Variants in GABRG3 observed in about 807,000 individuals in gnomAD.
GABRG3 encodes gamma-aminobutyric acid receptor subunit gamma-3.
A neutral mutation model predicts 48.8 loss-of-function variants in GABRG3; 25 were observed. That is an observed-to-expected ratio of 0.51 (90% confidence interval 0.37 to 0.72). GABRG3 has a LOEUF of 0.72. Ranked by LOEUF, GABRG3 falls within the 30% of genes least tolerant of loss-of-function variation. The pLI is 0.00. For missense variants in GABRG3, 394 were observed against 577.9 expected (o/e 0.68, Z 3.26); for synonymous variants, 227 against 217.6 (o/e 1.04, Z -0.38).
Position 27,028,110 on chromosome 15 carries a change from C to T in GABRG3, c.270+1289C>T, listed in dbSNP as rs73367735. On this transcript the variant is annotated intron_variant, in intron 3 of 9. Transcript: ENST00000615808. ...TGTTAGGCTTTGTTATTGGAATAGACGGGAATTTTCATGTGGAAATCACGG... is the reference window on the plus strand; with the variant it reads ...TGTTAGGCTTTGTTATTGGAATAGATGGGAATTTTCATGTGGAAATCACGG... Among the ~76,000 whole-genome samples the T allele has an allele frequency of 1.3e-3, 198 of 152,250 alleles. 1 individual carries two copies. The highest frequency in any genetic ancestry group is 4.5e-3 in the African/African-American group (188 of 41,524).
At chr15:27,252,114 C>T (rs1171056941) in intron 3 of GABRG3, among the ~76,000 whole-genome samples, 1 of 152,130 alleles carries the variant, frequency 6.6e-6, no homozygotes, top group Non-Finnish European at 1.5e-5. Context: ...CCTGACTCAG[C>T]TTTTTGTGAA....
intron 3 of GABRG3, among the ~76,000 whole-genome samples, chr15:27,061,858 A>C (rs916617508): frequency 6.6e-6 from 1 of 152,094 alleles, no homozygotes; most frequent in Admixed American, 6.5e-5. Context: ...CCCCGTGTGG[A>C]AATCCTGCTG....
At chr15:27,218,290 C>G (rs1889332748) in intron 3 of GABRG3, among the ~76,000 whole-genome samples, 1 of 152,120 alleles carries the variant, frequency 6.6e-6, no homozygotes, top group Non-Finnish European at 1.5e-5. Flanking sequence ...ACAAAAGCAC[C>G]CAGCCCTGTT....
At chr15:27,500,958 T>TTG (rs1321747997) in intron 6 of GABRG3, among the ~76,000 whole-genome samples, 6 of 148,584 alleles carry the variant, frequency 4.0e-5, no homozygotes, top group East Asian at 1.9e-4. Context: ...GTATGTTTTT[T>TTG]TTTTTTTTTT....
At chr15:27,009,912 T>A (rs1384677258) in intron 2 of GABRG3, among the ~76,000 whole-genome samples, 3 of 152,128 alleles carry the variant, frequency 2.0e-5, no homozygotes, top group Non-Finnish European at 4.4e-5. Context: ...TTCCTCCTTC[T>A]GCTTCTGCTG....
chr15:27,127,883 G>T (rs1199614916), intron 3 of GABRG3, among the ~76,000 whole-genome samples: 2 of 152,232 alleles, frequency 1.3e-5, no homozygotes, highest in African/African-American at 4.8e-5. Context: ...GGTAGGTGTG[G>T]AGGGTGGAGA....
chr15:27,315,099 C>T (rs1439862188), intron 3 of GABRG3, among the ~76,000 whole-genome samples: 1 of 152,058 alleles, frequency 6.6e-6, no homozygotes, highest in African/African-American at 2.4e-5. Flanking sequence ...TTTTTCAAAA[C>T]CACTACCTAT....
intron 3 of GABRG3, among the ~76,000 whole-genome samples, chr15:27,131,183 GCTT>G (rs1401310861): frequency 6.6e-6 from 1 of 152,010 alleles, no homozygotes; most frequent in Non-Finnish European, 1.5e-5. Flanking sequence ...TTTATACATG[GCTT>G]TTATTGTGGT....
At position 27,457,354 on chromosome 15, in the gene GABRG3, T is replaced by G. The variant is rs180803207; in HGVS notation, c.575-23296T>G. Reference sequence around the variant, plus strand: ...CTTGCTAGCATTTGACGTTTTGTTTTTTGCGTTTGTAGAAACATCACCTTC... The same window carrying G: ...CTTGCTAGCATTTGACGTTTTGTTTGTTGCGTTTGTAGAAACATCACCTTC... On this transcript the variant is annotated intron_variant, in intron 5 of 9. Transcript: ENST00000615808. This position sits in a 1 kb window ranked among gnomAD's most constrained non-coding sequence, Gnocchi z 4.4. 2.0e-5 allele frequency among the ~76,000 whole-genome samples: 3 copies of G among 152,332 alleles called. No homozygotes were observed. Among genetic ancestry groups the G allele is most frequent in the Admixed American group, 2.0e-4 (3 of 15,308 alleles).
chr15:27,277,888 G>A (rs1215284183), intron 3 of GABRG3, among the ~76,000 whole-genome samples: 2 of 151,936 alleles, frequency 1.3e-5, no homozygotes, highest in African/African-American at 2.4e-5. Flanking sequence ...AGTACTGAAA[G>A]GTCTAGGTAC....
chr15:27,476,010 A>G (rs1889930741), intron 5 of GABRG3, among the ~76,000 whole-genome samples: 1 of 152,192 alleles, frequency 6.6e-6, no homozygotes, highest in Admixed American at 6.5e-5. Context: ...CATTATAATG[A>G]ACCAAGGTGA....
chr15:27,320,540 T>C (rs1484558913), intron 3 of GABRG3, among the ~76,000 whole-genome samples: 2 of 152,202 alleles, frequency 1.3e-5, no homozygotes, highest in Non-Finnish European at 1.5e-5. Context: ...CCAATAATGC[T>C]ACAAGTTTAA....
chr15:27,439,279 C>T (rs1454910159), intron 5 of GABRG3, among the ~76,000 whole-genome samples: 1 of 152,166 alleles, frequency 6.6e-6, no homozygotes, highest in African/African-American at 2.4e-5. Flanking sequence ...ACTGCATTTT[C>T]TGGTTAAAAA....
chr15:27,500,781 A>G (rs1890603883), intron 6 of GABRG3, among the ~76,000 whole-genome samples: 1 of 152,056 alleles, frequency 6.6e-6, no homozygotes, highest in East Asian at 1.9e-4. Context: ...ATCTGCATTC[A>G]TCATATCACT....
intron 6 of GABRG3, among the ~76,000 whole-genome samples, chr15:27,504,560 A>G (rs73369556): frequency 0.024 from 3,651 of 152,282 alleles, 161 homozygotes; most frequent in African/African-American, 0.085. Flanking sequence ...GCATATGTTA[A>G]ATATCATATT....
At chr15:27,248,696 A>G (rs756102718) in intron 3 of GABRG3, among the ~76,000 whole-genome samples, 3 of 151,706 alleles carry the variant, frequency 2.0e-5, no homozygotes, top group Non-Finnish European at 4.4e-5. Context: ...AAATATTCAA[A>G]TCAGTGATCT....
chr15:27,501,894 G>A (rs1890649792), intron 6 of GABRG3, among the ~76,000 whole-genome samples: 1 of 152,070 alleles, frequency 6.6e-6, no homozygotes, highest in African/African-American at 2.4e-5. Flanking sequence ...TTGAGACAAT[G>A]ACAGCTTTTA....
chr15:27,237,752 C>G (rs528094415), intron 3 of GABRG3, among the ~76,000 whole-genome samples: 1 of 152,366 alleles, frequency 6.6e-6, no homozygotes, highest in Admixed American at 6.5e-5. Flanking sequence ...GTTAGAATGT[C>G]TGGCTGTGGG....
intron 2 of GABRG3, among the ~76,000 whole-genome samples, chr15:27,005,980 C>T (rs186604295): frequency 6.6e-6 from 1 of 152,198 alleles, no homozygotes; most frequent in African/African-American, 2.4e-5. Context: ...AAAATCTTAC[C>T]AGCCTTTTAC....
Sources: gnomAD v4.1 joint callset for allele counts (sites outside exome capture counted in the v4.1 genomes callset) on GRCh38, gnomAD v4.1.1 for gene constraint, Gnocchi (gnomAD v3.1) non-coding constraint, MANE v1.5 for transcripts, NCBI Gene and HGNC (gene_info 2026-07-23, HGNC 2026-07-21) for gene names.